Variants in PRKN observed in about 807,000 individuals in gnomAD.
PRKN encodes parkin RBR E3 ubiquitin protein ligase, also known as E3 ubiquitin-protein ligase parkin.
Under a neutral mutation model 59.5 loss-of-function variants are expected in PRKN, and 56 were observed. The observed-to-expected ratio is 0.94, with a 90% CI of 0.76 to 1.18. The LOEUF is 1.18. PRKN is among the 50% of genes most tolerant of loss of function. The pLI is 0.00. For missense variants in PRKN, 657 were observed against 596.4 expected (o/e 1.10, Z -1.06); for synonymous variants, 250 against 222.1 (o/e 1.13, Z -1.12).
chr6:162,281,093 A>C (rs1201635590), intron 2 of PRKN, among the ~76,000 whole-genome samples: 3 of 152,164 alleles, frequency 2.0e-5, no homozygotes, highest in South Asian at 4.1e-4. Flanking sequence ...GGTGTACAAA[A>C]AGGATGAGTT....
chr6:161,805,838 G>C (rs1791296782), intron 6 of PRKN, among the ~76,000 whole-genome samples: 2 of 152,158 alleles, frequency 1.3e-5, no homozygotes, highest in Admixed American at 6.5e-5. Flanking sequence ...ACCTTGAATA[G>C]ATGCTGTCCC....
chr6:161,733,523 C>T (rs1210303662), intron 7 of PRKN, among the ~76,000 whole-genome samples: 1 of 152,014 alleles, frequency 6.6e-6, no homozygotes. Context: ...TACCAAACCA[C>T]CTAGGAGATA....
At chr6:161,816,487 C>T (rs1259661851) in intron 6 of PRKN, among the ~76,000 whole-genome samples, 1 of 152,114 alleles carries the variant, frequency 6.6e-6, no homozygotes, top group Non-Finnish European at 1.5e-5. Context: ...TGCACACTTT[C>T]AATATGTGTG....
intron 7 of PRKN, among the ~76,000 whole-genome samples, chr6:161,719,310 G>A (rs1038468437): frequency 6.6e-6 from 1 of 152,052 alleles, no homozygotes; most frequent in Non-Finnish European, 1.5e-5. Flanking sequence ...AAGGAAAAAG[G>A]AGAAGAGAGG....
intron 1 of PRKN, among the ~76,000 whole-genome samples, chr6:162,502,404 C>A (rs996690682): frequency 2.0e-5 from 3 of 152,116 alleles, no homozygotes; most frequent in Admixed American, 6.5e-5. Context: ...CAGGCCATTT[C>A]CCCAACGCCT....
intron 1 of PRKN, among the ~76,000 whole-genome samples, chr6:162,450,385 C>CGCCCCTGTGATTGTAATCCCCT (rs1562774172): frequency 7.5e-6 from 1 of 132,956 alleles, no homozygotes; most frequent in African/African-American, 2.7e-5. Context: ...TGTAATCCCC[C>CGCCCCTGTGATTGTAATCCCCT]TGTGAATGTA....
At chr6:162,574,133 C>T (rs2128209529) in intron 1 of PRKN, among the ~76,000 whole-genome samples, 1 of 152,210 alleles carries the variant, frequency 6.6e-6, no homozygotes, top group Admixed American at 6.5e-5. Flanking sequence ...GCTGATTAGC[C>T]CTCTGAGGCC....
intron 9 of PRKN, among the ~76,000 whole-genome samples, chr6:161,404,001 G>C (rs757325495): frequency 6.6e-5 from 10 of 152,110 alleles, no homozygotes; most frequent in Admixed American, 2.0e-4. Context: ...TACCCAGTCT[G>C]TGGTATTCCA....
chr6:162,372,961 G>A (rs768710699), intron 2 of PRKN, among the ~76,000 whole-genome samples: 1 of 152,086 alleles, frequency 6.6e-6, no homozygotes, highest in Non-Finnish European at 1.5e-5. Flanking sequence ...AACTACCGGA[G>A]GAGTAGGCAA....
At chr6:162,513,225 G>A (rs1405041472) in intron 1 of PRKN, among the ~76,000 whole-genome samples, 4 of 152,052 alleles carry the variant, frequency 2.6e-5, no homozygotes, top group African/African-American at 9.7e-5. Context: ...ATGCCTATAA[G>A]CCCAGCACTT....
At chr6:162,116,151 G>A (rs190745569) in intron 4 of PRKN, among the ~76,000 whole-genome samples, 5 of 152,288 alleles carry the variant, frequency 3.3e-5, no homozygotes, top group South Asian at 2.1e-4. Flanking sequence ...CAATCATTAA[G>A]AATAATCACC....
chr6:162,022,040 T>G (rs1783227383), intron 5 of PRKN, among the ~76,000 whole-genome samples: 1 of 152,200 alleles, frequency 6.6e-6, no homozygotes, highest in Non-Finnish European at 1.5e-5. Context: ...ATCTTTTTTT[T>G]TGGCTGCATA....
intron 7 of PRKN, among the ~76,000 whole-genome samples, chr6:161,769,424 G>T (rs1789569450): frequency 1.3e-5 from 2 of 152,126 alleles, no homozygotes; most frequent in Admixed American, 6.5e-5. Context: ...TGAGTACAGG[G>T]TCCTCACTTT....
intron 9 of PRKN, among the ~76,000 whole-genome samples, chr6:161,418,928 G>A (rs144377531): frequency 6.6e-5 from 10 of 152,268 alleles, no homozygotes; most frequent in East Asian, 1.9e-4. Context: ...GTTTTCTAGC[G>A]TTCCAGCCTA....
chr6:162,067,922 T>G (rs1190131379), intron 4 of PRKN, among the ~76,000 whole-genome samples: 1 of 152,218 alleles, frequency 6.6e-6, no homozygotes, highest in East Asian at 1.9e-4. Context: ...ACATGTCAAA[T>G]AAATAAGCAT....
Position 161,405,186 on chromosome 6 carries a change from C to T in PRKN, c.1084-18309G>A, listed in dbSNP as rs376866778. On this transcript the variant is annotated intron_variant, in intron 9 of 11. Coordinates refer to ENST00000366898, the MANE Select transcript of PRKN (RefSeq NM_004562.3). The surrounding 1 kb of genome is among the most constrained non-coding windows in gnomAD (Gnocchi z 5.1). ...TGGCAGTGGGTGAAATAGGCTTGGTCACACAGTGACAAGATTTACAATGGG... is the reference window on the plus strand; with the variant it reads ...TGGCAGTGGGTGAAATAGGCTTGGTTACACAGTGACAAGATTTACAATGGG... Among the ~76,000 whole-genome samples the T allele has an allele frequency of 7.9e-5, 12 of 152,276 alleles. No homozygotes were observed. The highest frequency in any genetic ancestry group is 2.9e-4 in the African/African-American group (12 of 41,544).
intron 9 of PRKN, among the ~76,000 whole-genome samples, chr6:161,450,956 T>C (rs976953950): frequency 6.6e-6 from 1 of 152,182 alleles, no homozygotes; most frequent in African/African-American, 2.4e-5. Context: ...AGAAGACAAC[T>C]GCAAAAAATC....
chr6:161,825,354 A>G (rs553894500), intron 6 of PRKN, among the ~76,000 whole-genome samples: 1 of 73,100 alleles, frequency 1.4e-5, no homozygotes, highest in Admixed American at 1.2e-4. Flanking sequence ...CTGTTTCTTA[A>G]AGAAGGTCTC....
intron 4 of PRKN, among the ~76,000 whole-genome samples, chr6:162,126,758 C>T (rs919797327): frequency 6.6e-5 from 10 of 152,130 alleles, no homozygotes; most frequent in Non-Finnish European, 1.2e-4. Context: ...TTCTATGCCC[C>T]AGTGTCTGTT....
Sources: gnomAD v4.1 joint callset for allele counts (sites outside exome capture counted in the v4.1 genomes callset) on GRCh38, gnomAD v4.1.1 for gene constraint, Gnocchi (gnomAD v3.1) non-coding constraint, MANE v1.5 for transcripts, NCBI Gene and HGNC (gene_info 2026-07-23, HGNC 2026-07-21) for gene names.